The following NECAB1 variants were observed in gnomAD, a reference collection of about 807,000 sequenced individuals.
NECAB1 encodes N-terminal EF-hand calcium-binding protein 1.
A neutral mutation model predicts 57.5 loss-of-function variants in NECAB1; 29 were observed. That is an observed-to-expected ratio of 0.50 (90% confidence interval 0.38 to 0.69). The LOEUF (loss-of-function observed/expected upper bound fraction) is 0.69, where lower values mean the gene tolerates loss of function less well. NECAB1 is among the 30% of genes least tolerant of loss of function. The pLI is 0.00. For missense variants in NECAB1, 372 were observed against 413.8 expected (o/e 0.90, Z 0.88); for synonymous variants, 142 against 147.7 (o/e 0.96, Z 0.28).
chr8:90,878,987 T>A (rs1808781065), intron 4 of NECAB1, among the ~76,000 whole-genome samples: 1 of 145,212 alleles, frequency 6.9e-6, no homozygotes, highest in African/African-American at 2.5e-5. Context: ...TCTCTCTACA[T>A]ATATTATATA....
At chr8:90,948,090 A>C (rs570785094) in intron 10 of NECAB1, among the ~76,000 whole-genome samples, 3 of 152,296 alleles carry the variant, frequency 2.0e-5, no homozygotes, top group African/African-American at 7.2e-5. Flanking sequence ...ATTGATATGG[A>C]TTGTAATTTG....
chr8:90,828,713 G>GA (rs1411171730), intron 3 of NECAB1, among the ~76,000 whole-genome samples: 1 of 151,968 alleles, frequency 6.6e-6, no homozygotes, highest in Admixed American at 6.6e-5. Flanking sequence ...CAGACATTTG[G>GA]AAAGTTTTCC....
chr8:90,827,452 G>T (rs1433465402), intron 3 of NECAB1, among the ~76,000 whole-genome samples: 13 of 151,966 alleles, frequency 8.6e-5, no homozygotes, highest in Non-Finnish European at 4.4e-5. Context: ...CTTCACTTTG[G>T]AGTCCATTAA....
chr8:90,809,605 G>A (rs1049468896), intron 2 of NECAB1, among the ~76,000 whole-genome samples: 1 of 152,188 alleles, frequency 6.6e-6, no homozygotes. Flanking sequence ...GGTTGTGTAT[G>A]TTTCAGATTT....
intron 3 of NECAB1, among the ~76,000 whole-genome samples, chr8:90,868,477 A>G (rs1416960244): frequency 6.6e-6 from 1 of 152,162 alleles, no homozygotes; most frequent in Non-Finnish European, 1.5e-5. Context: ...GTCCAGTCTG[A>G]GGTGGTTTCA....
At chr8:90,940,177 T>C (rs1330373285) in intron 9 of NECAB1, 2 of 152,290 alleles carry the variant, frequency 1.3e-5, no homozygotes, top group African/African-American at 4.8e-5. Context: ...ACAAGCACCA[T>C]CTGATGCCAT....
At chr8:90,796,796 G>A (rs1811668256) in intron 1 of NECAB1, among the ~76,000 whole-genome samples, 1 of 152,188 alleles carries the variant, frequency 6.6e-6, no homozygotes, top group African/African-American at 2.4e-5. Flanking sequence ...TGTGGGATCA[G>A]AGGCAAAATT....
At chr8:90,933,730 A>T (rs973424661) in intron 8 of NECAB1, among the ~76,000 whole-genome samples, 16 of 139,882 alleles carry the variant, frequency 1.1e-4, no homozygotes, top group African/African-American at 2.4e-4. Context: ...CTATGGAAAT[A>T]AAAAAAAAAA....
chr8:90,865,452 C>T (rs1007518783), intron 3 of NECAB1, among the ~76,000 whole-genome samples: 2 of 152,110 alleles, frequency 1.3e-5, no homozygotes, highest in African/African-American at 4.8e-5. Context: ...CTCTCTGATA[C>T]AAGTCTTCAT....
At chr8:90,943,271 T>C (rs1810719819) in intron 10 of NECAB1, among the ~76,000 whole-genome samples, 1 of 152,202 alleles carries the variant, frequency 6.6e-6, no homozygotes, top group South Asian at 2.1e-4. Context: ...GAGAGCATCT[T>C]TTTCCTGTAA....
At chr8:90,922,268 A>G (rs539348488) in intron 6 of NECAB1, among the ~76,000 whole-genome samples, 2 of 152,228 alleles carry the variant, frequency 1.3e-5, no homozygotes, top group South Asian at 2.1e-4. Context: ...CTATTTCCCA[A>G]AGTTTTTCTA....
At chr8:90,927,766 G>C (rs1257015360) in intron 7 of NECAB1, among the ~76,000 whole-genome samples, 2 of 150,862 alleles carry the variant, frequency 1.3e-5, no homozygotes, top group Non-Finnish European at 2.9e-5. Context: ...ACTCAAGTTA[G>C]ATCCTGGGAA....
chr8:90,902,129 A>G (rs1809517672), intron 5 of NECAB1, among the ~76,000 whole-genome samples: 1 of 152,200 alleles, frequency 6.6e-6, no homozygotes, highest in African/African-American at 2.4e-5. Context: ...GTTATGAAAC[A>G]TCACTACTGG....
chr8:90,837,710 A>C (rs528476525), intron 3 of NECAB1, among the ~76,000 whole-genome samples: 51 of 152,310 alleles, frequency 3.3e-4, no homozygotes, highest in African/African-American at 1.1e-3. Context: ...AATTGTGTCT[A>C]GTGTCTCTGA....
At chr8:90,815,789 C>G (rs955244386) in intron 2 of NECAB1, among the ~76,000 whole-genome samples, 1 of 151,840 alleles carries the variant, frequency 6.6e-6, no homozygotes, top group Non-Finnish European at 1.5e-5. Context: ...TTTATCCATG[C>G]GTCTACTTCA....
chr8:90,844,047 C>CT (rs571052106), intron 3 of NECAB1, among the ~76,000 whole-genome samples: 1 of 151,568 alleles, frequency 6.6e-6, no homozygotes, highest in Admixed American at 6.6e-5. Flanking sequence ...GAAAATGGAA[C>CT]TTTTTTTTTC....
At chr8:90,916,539 T>A (rs963674747) in intron 5 of NECAB1, among the ~76,000 whole-genome samples, 1 of 151,828 alleles carries the variant, frequency 6.6e-6, no homozygotes, top group African/African-American at 2.4e-5. Flanking sequence ...CATAAAAAAA[T>A]TTTGTTTAGG....
chr8:90,936,080 G>C (rs891132114), intron 9 of NECAB1, among the ~76,000 whole-genome samples: 1 of 152,042 alleles, frequency 6.6e-6, no homozygotes, highest in Admixed American at 6.6e-5. Flanking sequence ...GGTAGTAAGT[G>C]CATTACTATA....
chr8:90,809,105 C>A (rs998498510), intron 2 of NECAB1, among the ~76,000 whole-genome samples: 2 of 152,170 alleles, frequency 1.3e-5, no homozygotes, highest in African/African-American at 4.8e-5. Flanking sequence ...GGTCATTCAG[C>A]TTTTCTTATT....
Sources: gnomAD v4.1 joint callset for allele counts (sites outside exome capture counted in the v4.1 genomes callset) on GRCh38, gnomAD v4.1.1 for gene constraint, MANE v1.5 for transcripts, NCBI Gene and HGNC (gene_info 2026-07-23, HGNC 2026-07-21) for gene names.